The following ADAMTS16 variants were observed in gnomAD, a reference collection of about 807,000 sequenced individuals.
The protein encoded by ADAMTS16 is A disintegrin and metalloproteinase with thrombospondin motifs 16.
A neutral mutation model predicts 145.8 loss-of-function variants in ADAMTS16; 94 were observed. The observed-to-expected ratio is 0.64, with a 90% CI of 0.55 to 0.77. The LOEUF (loss-of-function observed/expected upper bound fraction) is 0.77, where lower values mean the gene tolerates loss of function less well. Among genes scored for constraint, ADAMTS16 ranks in the 30% least tolerant of loss-of-function variants. The pLI is 0.00. For synonymous variants in ADAMTS16, 659 were observed against 604.3 expected (o/e 1.09, Z -1.33); for missense variants, 1,585 against 1,591.5 (o/e 1.00, Z 0.07).
At chr5:5,255,478 G>A (rs1488407858) in intron 17 of ADAMTS16, among the ~76,000 whole-genome samples, 2 of 152,216 alleles carry the variant, frequency 1.3e-5, no homozygotes, top group East Asian at 3.8e-4. Flanking sequence ...GATCATTGGT[G>A]ATGATTACAG....
intron 8 of ADAMTS16, among the ~76,000 whole-genome samples, chr5:5,197,406 C>T (rs1025382034): frequency 1.3e-5 from 2 of 152,138 alleles, no homozygotes; most frequent in African/African-American, 4.8e-5. Context: ...AGTGTTACAG[C>T]AGAAAAGGTT....
At chr5:5,229,300 G>A (rs1338449764) in intron 11 of ADAMTS16, among the ~76,000 whole-genome samples, 6 of 74,760 alleles carry the variant, frequency 8.0e-5, no homozygotes, top group East Asian at 5.5e-4. Flanking sequence ...GCGAGACTCC[G>A]TCTCAAAAAA....
chr5:5,217,326 G>A (rs1344314743), intron 10 of ADAMTS16, among the ~76,000 whole-genome samples: 2 of 151,980 alleles, frequency 1.3e-5, no homozygotes, highest in Admixed American at 1.3e-4. Flanking sequence ...AAAAGCAATG[G>A]CAACAAAAGA....
intron 10 of ADAMTS16, among the ~76,000 whole-genome samples, chr5:5,218,318 C>T (rs1246955227): frequency 1.3e-5 from 2 of 152,136 alleles, no homozygotes; most frequent in African/African-American, 4.8e-5. Context: ...AGAAGAGTTC[C>T]ATTTTCCCCC....
chr5:5,162,747 G>T (rs1734774766), intron 3 of ADAMTS16, among the ~76,000 whole-genome samples: 1 of 117,014 alleles, frequency 8.5e-6, no homozygotes, highest in East Asian at 2.3e-4. Context: ...AGAGAGAGGA[G>T]AAGAGAAGAG....
At position 5,232,414 on chromosome 5, in the gene ADAMTS16, A is replaced by G. The variant is rs1021237592; in HGVS notation, c.1748A>G (p.Lys583Arg). Reference protein sequence around the residue: ...QCVKYGDEGPKPTHGHWSDWS... With the variant: ...QCVKYGDEGPRPTHGHWSDWS... ...GTGAAATATGGTGATGAAGGCCCCA[A>G]GCCCACCCATGGCCACTGGTCGGAC... The change falls in exon 12 of 23, where the codon AAG (lysine) becomes AGG (arginine). Residue 583 changes from lysine (K) to arginine (R), a missense_variant. Transcript: ENST00000274181. 1.9e-6 allele frequency: 3 copies of G among 1,613,886 alleles called. No individual in the cohort carries two copies. The highest frequency in any genetic ancestry group is 2.7e-5 in the African/African-American group (2 of 74,846).
intron 18 of ADAMTS16, among the ~76,000 whole-genome samples, chr5:5,299,460 G>A (rs1171968982): frequency 6.6e-6 from 1 of 152,120 alleles, no homozygotes; most frequent in East Asian, 1.9e-4. Context: ...ACCCTTTTTG[G>A]AAACTTGCAT....
At chr5:5,209,973 G>A (rs1736230913) in intron 10 of ADAMTS16, among the ~76,000 whole-genome samples, 1 of 152,092 alleles carries the variant, frequency 6.6e-6, no homozygotes, top group Non-Finnish European at 1.5e-5. Context: ...AAAATGCATT[G>A]GGAATACTCC....
At chr5:5,190,332 A>G (rs1735630584) in intron 7 of ADAMTS16, among the ~76,000 whole-genome samples, 1 of 152,236 alleles carries the variant, frequency 6.6e-6, no homozygotes, top group Admixed American at 6.5e-5. Flanking sequence ...TTATTGAACA[A>G]GTAAATGTCT....
chr5:5,238,024 T>G (rs553303954), intron 14 of ADAMTS16, among the ~76,000 whole-genome samples: 1 of 152,202 alleles, frequency 6.6e-6, no homozygotes, highest in Non-Finnish European at 1.5e-5. Flanking sequence ...TTCCCCTAAA[T>G]TATTGACCAT....
intron 10 of ADAMTS16, among the ~76,000 whole-genome samples, chr5:5,217,221 A>C (rs1178062117): frequency 6.6e-6 from 1 of 151,900 alleles, no homozygotes; most frequent in Non-Finnish European, 1.5e-5. Flanking sequence ...TAAAGACTTA[A>C]ACATTAGACC....
chr5:5,146,169 G>A lies in ADAMTS16; in HGVS notation c.215G>A (p.Gly72Asp). 1.2e-6 allele frequency: 2 copies of A among 1,614,160 alleles called. No homozygotes were observed. Among genetic ancestry groups the A allele is most frequent in the Non-Finnish European group, 1.7e-6 (2 of 1,180,048 alleles). ...LVSAYEVDHRGDYVSHEIMHH... is the reference protein window; with the variant it reads ...LVSAYEVDHRDDYVSHEIMHH... ...TCTGCCTACGAGGTTGACCACAGGGGCGATTACGTGTCCCATGAAATCATG... is the reference window on the plus strand; with the variant it reads ...TCTGCCTACGAGGTTGACCACAGGGACGATTACGTGTCCCATGAAATCATG... The change falls in exon 3 of 23, where the codon GGC becomes GAC. Residue 72 changes from glycine (G) to aspartate (D), a missense_variant. Physicochemically the swap from Gly to Asp is moderately conservative, Grantham distance 94. Transcript: ENST00000274181.
At chr5:5,264,814 G>A (rs539797229) in intron 18 of ADAMTS16, among the ~76,000 whole-genome samples, 67 of 152,250 alleles carry the variant, frequency 4.4e-4, no homozygotes, top group African/African-American at 1.6e-3. Context: ...TGCTTAAGAT[G>A]CAGCACACTG....
intron 17 of ADAMTS16, among the ~76,000 whole-genome samples, chr5:5,250,982 T>C (rs1737606429): frequency 6.6e-6 from 1 of 152,108 alleles, no homozygotes; most frequent in South Asian, 2.1e-4. Context: ...ACAGAGAGTG[T>C]AGGCAGATAA....
chr5:5,263,662 G>A (rs1026997745), intron 18 of ADAMTS16, among the ~76,000 whole-genome samples: 1 of 152,234 alleles, frequency 6.6e-6, no homozygotes, highest in Non-Finnish European at 1.5e-5. Flanking sequence ...GGGGAACACA[G>A]TGGCACCCAG....
intron 9 of ADAMTS16, among the ~76,000 whole-genome samples, chr5:5,203,774 C>T (rs981036063): frequency 2.6e-5 from 4 of 152,090 alleles, no homozygotes; most frequent in Admixed American, 1.3e-4. Flanking sequence ...TTAAATCATG[C>T]CCTGCAGATC....
At chr5:5,203,380 T>TTA (rs1281040251) in intron 9 of ADAMTS16, among the ~76,000 whole-genome samples, 2 of 152,228 alleles carry the variant, frequency 1.3e-5, no homozygotes, top group Non-Finnish European at 2.9e-5. Flanking sequence ...CAAAATACTG[T>TTA]TATATTCTCC....
At chr5:5,172,632 AT>A (rs1735072292) in intron 3 of ADAMTS16, among the ~76,000 whole-genome samples, 3 of 152,084 alleles carry the variant, frequency 2.0e-5, no homozygotes, top group South Asian at 4.1e-4. Flanking sequence ...GGTTTTTAAA[AT>A]TTTTTAAGAC....
chr5:5,262,523 C>A, intron 17 of ADAMTS16, 134 bp from the exon 18 acceptor site: 6 of 1,228,440 alleles, frequency 4.9e-6, no homozygotes, highest in Non-Finnish European at 6.6e-6. Flanking sequence ...TAATAGTTGG[C>A]CAGTTGGTCA....
Sources: gnomAD v4.1 joint callset for allele counts (sites outside exome capture counted in the v4.1 genomes callset) on GRCh38, gnomAD v4.1.1 for gene constraint, MANE v1.5 for transcripts, NCBI Gene and HGNC (gene_info 2026-07-23, HGNC 2026-07-21) for gene names.